The following LONRF1 variants were observed in gnomAD, a reference collection of about 807,000 sequenced individuals.
LONRF1 encodes the protein LON peptidase N-terminal domain and ring finger 1.
LONRF1 carries 37 observed loss-of-function variants against 85.8 expected under a neutral mutation model. The ratio of observed to expected loss-of-function variants is 0.43; its 90% CI spans 0.33 to 0.57. The LOEUF is 0.57. Among genes scored for constraint, LONRF1 ranks in the 20% least tolerant of loss-of-function variants. LONRF1 has a pLI of 0.04. For missense variants in LONRF1, 1,036 were observed against 978.0 expected (o/e 1.06, Z -0.79); for synonymous variants, 517 against 390.1 (o/e 1.33, Z -3.83).
intron 1 of LONRF1, chr8:12,753,680 A>G (rs1427482726): frequency 6.6e-6 from 1 of 152,220 alleles, no homozygotes; most frequent in Non-Finnish European, 1.5e-5. Context: ...ACTGATTTAT[A>G]TAGAACAACT....
chr8:12,731,624 TAC>T (rs1349831304), intron 8 of LONRF1, 110 bp downstream of exon 8: 1 of 875,290 alleles, frequency 1.1e-6, no homozygotes, highest in Non-Finnish European at 1.7e-6. Flanking sequence ...AACAGACCAA[TAC>T]TTCTTGACTA....
Position 12,738,097 on chromosome 8 carries a change from C to T in LONRF1, c.1011G>A (p.Lys337=). 6.2e-7 allele frequency: 1 copy of T among 1,603,102 alleles called. No individual in the cohort carries two copies. The highest frequency in any genetic ancestry group is 8.5e-7 in the Non-Finnish European group (1 of 1,173,956). ...LLPENLKEGL[K]ESSWSSLPCT... ...ATGGTAATGAACTCCAGGAAGATTC[C>T]TTCAGGCCTTCTTTTAAGTTTTCAG... The change falls in exon 4 of 12, where the codon AAG becomes AAA. Residue 337 remains lysine (K), a synonymous_variant. Coordinates refer to ENST00000398246, the MANE Select transcript of LONRF1 (RefSeq NM_152271.5).
Position 12,728,950 on chromosome 8 carries a change from A to G in LONRF1, c.1961T>C (p.Met654Thr). The G allele has an allele frequency of 6.2e-7, 1 of 1,613,968 alleles. No individual in the cohort carries two copies. The highest frequency in any genetic ancestry group is 8.5e-7 in the Non-Finnish European group (1 of 1,179,866). Reference protein sequence around the residue: ...GKRFRVLKRGMKDGYCTADIE... With the variant: ...GKRFRVLKRGTKDGYCTADIE... ...GTCGGCAGTGCAATATCCATCTTTC[A>G]TTCCTCTTTTTAAAACCCTAAACCG... The change falls in exon 10 of 12, where the codon ATG (methionine) becomes ACG (threonine). Residue 654 changes from methionine to threonine, a missense_variant. By Grantham distance (81) the Met-to-Thr change is moderately conservative. This residue lies in a region of LONRF1 where 265 missense variants were observed against 301.5 expected (regional missense o/e 0.88). Transcript: ENST00000398246.
intron 2 of LONRF1, among the ~76,000 whole-genome samples, chr8:12,742,531 TA>T (rs1798977140): frequency 6.6e-6 from 1 of 152,228 alleles, no homozygotes; most frequent in South Asian, 2.1e-4. Flanking sequence ...TTTAAGAACC[TA>T]TTCTCTTTCC....
chr8:12,754,437 G>A (rs1482207533), intron 1 of LONRF1: 4 of 322,048 alleles, frequency 1.2e-5, no homozygotes, highest in Non-Finnish European at 2.2e-5. Context: ...CAGCCAGGCC[G>A]CGGCCGAGGG....
At chr8:12,723,447 G>T (rs1182846698) in intron 11 of LONRF1, among the ~76,000 whole-genome samples, 193 bp from the exon 12 acceptor site, 7 of 152,316 alleles carry the variant, frequency 4.6e-5, no homozygotes, top group African/African-American at 1.7e-4. Context: ...AATTGTCCAA[G>T]ATCTCTTGGC....
At chr8:12,728,135 G>A (rs968244720) in intron 10 of LONRF1, among the ~76,000 whole-genome samples, 3 of 152,170 alleles carry the variant, frequency 2.0e-5, no homozygotes, top group African/African-American at 7.2e-5. Context: ...GAAGGGATAA[G>A]ATCTATGTTT....
At chr8:12,736,305 T>C (rs1798713602) in intron 6 of LONRF1, among the ~76,000 whole-genome samples, 1 of 152,208 alleles carries the variant, frequency 6.6e-6, no homozygotes. Flanking sequence ...TATACATTAA[T>C]AAGATAGGAT....
chr8:12,754,409 C>A (rs2128791827), intron 1 of LONRF1: 2 of 276,726 alleles, frequency 7.2e-6, no homozygotes, highest in Middle Eastern at 1.0e-3. Flanking sequence ...CCACTCCGCG[C>A]CGGGAGCGCG....
At chr8:12,744,062 G>T (rs192408620) in intron 1 of LONRF1, among the ~76,000 whole-genome samples, 122 of 152,142 alleles carry the variant, frequency 8.0e-4, no homozygotes, top group Middle Eastern at 3.4e-3. Flanking sequence ...GTCCAAGCAA[G>T]ACATTAATTT....
chr8:12,739,748 C>T (rs1563148115), intron 3 of LONRF1, among the ~76,000 whole-genome samples: 1 of 152,216 alleles, frequency 6.6e-6, no homozygotes, highest in African/African-American at 2.4e-5. Context: ...GGATGTCTGG[C>T]AGCATGCAAA....
At chr8:12,745,461 T>A in intron 1 of LONRF1, among the ~76,000 whole-genome samples, 1 of 152,016 alleles carries the variant, frequency 6.6e-6, no homozygotes, top group Non-Finnish European at 1.5e-5. Context: ...TTGAAAAGCA[T>A]ACACAAGGTC....
At position 12,722,160 on chromosome 8, in the gene LONRF1, G is replaced by T. The variant is rs1805912463; in HGVS notation, c.*936C>A. 1 of 152,126 alleles carries T rather than the reference G, an allele frequency of 6.6e-6. No homozygotes were observed. Among genetic ancestry groups the T allele is most frequent in the African/African-American group, 2.4e-5 (1 of 41,268 alleles). 9.4% of individuals were successfully genotyped at this position (152,126 alleles called of 1,614,324 possible). A position where few individuals can be genotyped will look rare whatever the true frequency, so the allele number is the denominator to read the frequency against. On this transcript the variant is annotated 3_prime_UTR_variant, in exon 12 of 12. Transcript: ENST00000398246. ...AACAAAAACAAACTTTAAAAGCTTA[G>T]TTCTATATTAAACTTCTTCTCTTTT...
chr8:12,737,403 C>T (rs986882713), intron 4 of LONRF1: 12 of 620,340 alleles, frequency 1.9e-5, no homozygotes, highest in African/African-American at 1.5e-4. Flanking sequence ...GAACATATAT[C>T]GACTTTTTTC....
At chr8:12,735,730 A>G (rs536900499) in intron 6 of LONRF1, 1 of 187,080 alleles carries the variant, frequency 5.3e-6, no homozygotes, top group East Asian at 1.3e-4. Context: ...TAAAATACAT[A>G]CCAGATTTCA....
At position 12,755,426 on chromosome 8, in the gene LONRF1, G is replaced by T. The variant is rs1190871552; in HGVS notation, c.-6C>A. ...GCCACCGCCGGAGAGGACATGGCCC[G>T]CGGAGGGCTGCGCCGCCGCCGCCCG... On this transcript the variant is annotated 5_prime_UTR_variant, in exon 1 of 12. Transcript: ENST00000398246. 2 of 1,135,604 alleles carry T rather than the reference G, an allele frequency of 1.8e-6. No individual in the cohort carries two copies. The highest frequency in any genetic ancestry group is 2.2e-6 in the Non-Finnish European group (2 of 926,818). The allele number at this position is 1,135,604 out of a possible 1,614,324, so 70.3% of individuals were successfully genotyped here.
intron 1 of LONRF1, among the ~76,000 whole-genome samples, chr8:12,744,273 C>T (rs1195233791): frequency 1.3e-5 from 2 of 152,016 alleles, no homozygotes; most frequent in Non-Finnish European, 2.9e-5. Flanking sequence ...CTCACTTGAG[C>T]AATTAATTTA....
rs144703010 is a variant in LONRF1, at chr8:12,736,181, C to G, written c.1451+520G>C. Among the ~76,000 whole-genome samples the G allele has an allele frequency of 3.6e-3, 546 of 152,210 alleles. 5 individuals are homozygous for G. The highest frequency in any genetic ancestry group is 0.012 in the African/African-American group (483 of 41,530). ...CCCGTATGAATCTTTTGATCCTACA[C>G]AATTCATGTAAATGAGAAATGTTAT... On this transcript the variant is annotated intron_variant, in intron 6 of 11. Transcript: ENST00000398246.
intron 4 of LONRF1, 91 bp from the exon 5 acceptor site, chr8:12,737,231 C>A: frequency 7.4e-7 from 1 of 1,343,826 alleles, no homozygotes; most frequent in Non-Finnish European, 1.1e-6. Flanking sequence ...AATTTCAATG[C>A]CTTATAATGC....
Sources: allele counts gnomAD v4.1 joint callset (sites outside exome capture counted in the v4.1 genomes callset), GRCh38; gene constraint gnomAD v4.1.1; regional missense constraint gnomAD v4.1.1; transcripts MANE v1.5; gene names NCBI Gene and HGNC (gene_info 2026-07-23, HGNC 2026-07-21).